The following CSMD3 variants were observed in gnomAD, a reference collection of about 807,000 sequenced individuals.
The protein encoded by CSMD3 is CUB and Sushi multiple domains 3, also known as CUB and sushi domain-containing protein 3.
Under a neutral mutation model 435.2 loss-of-function variants are expected in CSMD3, and 177 were observed. The observed-to-expected ratio is 0.41, with a 90% CI of 0.36 to 0.46. The LOEUF is 0.46. CSMD3 is among the 20% of genes least tolerant of loss of function. The pLI is 0.34. For missense variants in CSMD3, 4,265 were observed against 4,504.6 expected, an observed-to-expected ratio of 0.95 and a Z score of 1.52; for synonymous variants, 1,656 against 1,520.5, an observed-to-expected ratio of 1.09 and a Z score of -2.07.
intron 27 of CSMD3, among the ~76,000 whole-genome samples, chr8:112,521,234 A>T (rs1437681317): frequency 6.6e-6 from 1 of 151,938 alleles, no homozygotes; most frequent in African/African-American, 2.4e-5. Flanking sequence ...TGCTTTCTTT[A>T]ATAGAAAATC....
chr8:112,704,864 G>A (rs2076465409), intron 13 of CSMD3, among the ~76,000 whole-genome samples: 1 of 151,974 alleles, frequency 6.6e-6, no homozygotes, highest in African/African-American at 2.4e-5. Flanking sequence ...TCAAAATCAA[G>A]AGCTAATGCT....
chr8:113,388,194 G>A (rs1159155781), intron 1 of CSMD3, among the ~76,000 whole-genome samples: 2 of 151,580 alleles, frequency 1.3e-5, no homozygotes, highest in Non-Finnish European at 3.0e-5. Context: ...CCCATAATCA[G>A]ATTTGTATTT....
chr8:112,514,484 TTGA>T (rs1823470612), intron 28 of CSMD3, among the ~76,000 whole-genome samples: 2 of 152,196 alleles, frequency 1.3e-5, no homozygotes, highest in African/African-American at 4.8e-5. Flanking sequence ...GCATCAACTA[TTGA>T]TAACTATTTT....
intron 9 of CSMD3, among the ~76,000 whole-genome samples, chr8:112,939,665 G>A (rs1439962526): frequency 6.6e-6 from 1 of 151,922 alleles, no homozygotes; most frequent in Non-Finnish European, 1.5e-5. Flanking sequence ...TCAACTCTCA[G>A]AAGAATAAAA....
chr8:113,042,594 C>T (rs532997227), intron 5 of CSMD3, among the ~76,000 whole-genome samples: 2 of 152,188 alleles, frequency 1.3e-5, no homozygotes, highest in East Asian at 1.9e-4. Flanking sequence ...GTATTATTTA[C>T]ATAATTCTTC....
In CSMD3 at chr8:112,794,285, C is replaced by CTTTTTTTTTTTTTTTT. The variant is rs1203991072; in HGVS notation, c.1972+5861_1972+5876dup. Among the ~76,000 whole-genome samples, 4 of 96,302 alleles carry CTTTTTTTTTTTTTTTT rather than the reference C, an allele frequency of 4.2e-5. 1 individual carries two copies. Among genetic ancestry groups the CTTTTTTTTTTTTTTTT allele is most frequent in the African/African-American group, 7.8e-5 (2 of 25,776 alleles). The allele number at this position is 96,302 out of a possible 152,430, so 63.2% of individuals were successfully genotyped here. A position where few individuals can be genotyped will look rare whatever the true frequency, so the allele number is the denominator to read the frequency against. On this transcript the variant is annotated intron_variant, in intron 13 of 70. Coordinates refer to ENST00000297405, the MANE Select transcript of CSMD3 (RefSeq NM_198123.2). ...TTGCCCCAGATGCTGGACTGATAAA[C>CTTTTTTTTTTTTTTTT]TTTTTTTTTTTTTTTTTTTTTTTTT...
At chr8:112,238,269 C>CG (rs141897583) in intron 66 of CSMD3, among the ~76,000 whole-genome samples, 5,238 of 151,554 alleles carry the variant, frequency 0.035, 119 homozygotes, top group Non-Finnish European at 0.047. Flanking sequence ...GGAAAAAGTC[C>CG]TTTTTTTTAA....
intron 62 of CSMD3, among the ~76,000 whole-genome samples, chr8:112,254,554 C>A (rs1289026498): frequency 6.6e-6 from 1 of 151,978 alleles, no homozygotes; most frequent in Non-Finnish European, 1.5e-5. Context: ...GAACTTTGAA[C>A]CCTTCCGATA....
intron 35 of CSMD3, among the ~76,000 whole-genome samples, chr8:112,403,985 T>A (rs1831551745): frequency 6.6e-6 from 1 of 152,098 alleles, no homozygotes; most frequent in Admixed American, 6.6e-5. Flanking sequence ...TCAGATTCCA[T>A]CTATTGTCAC....
chr8:113,249,582 C>T (rs2093315038), intron 3 of CSMD3, among the ~76,000 whole-genome samples: 1 of 151,940 alleles, frequency 6.6e-6, no homozygotes, highest in African/African-American at 2.4e-5. Context: ...TATACTAGTA[C>T]TTACCCATGA....
intron 8 of CSMD3, among the ~76,000 whole-genome samples, chr8:112,950,452 T>G (rs2083767786): frequency 6.6e-6 from 1 of 151,960 alleles, no homozygotes; most frequent in African/African-American, 2.4e-5. Context: ...GTGAATACAT[T>G]ATTAGAAAAT....
chr8:112,272,460 T>TTA (rs1296044785), intron 59 of CSMD3, among the ~76,000 whole-genome samples: 1 of 152,162 alleles, frequency 6.6e-6, no homozygotes, highest in Non-Finnish European at 1.5e-5. Context: ...ACAGAGGCAA[T>TTA]TATAACACAT....
At chr8:112,686,568 CCTCCA>C (rs1563852283) in intron 14 of CSMD3, among the ~76,000 whole-genome samples, 1 of 151,110 alleles carries the variant, frequency 6.6e-6, no homozygotes, top group East Asian at 2.0e-4. Context: ...CTCACTGCAA[CCTCCA>C]CCTTCCGGGT....
At chr8:112,721,339 C>T (rs2076852972) in intron 13 of CSMD3, among the ~76,000 whole-genome samples, 1 of 152,016 alleles carries the variant, frequency 6.6e-6, no homozygotes, top group Admixed American at 6.6e-5. Context: ...CTTTGGGAGG[C>T]CGAGGCAGGT....
chr8:112,891,715 G>T (rs1157500472), intron 10 of CSMD3, among the ~76,000 whole-genome samples: 1 of 151,544 alleles, frequency 6.6e-6, no homozygotes, highest in Non-Finnish European at 1.5e-5. Context: ...TGATGTACAT[G>T]TAACAACTGT....
intron 38 of CSMD3, among the ~76,000 whole-genome samples, chr8:112,356,283 C>T (rs1826589659): frequency 6.6e-6 from 1 of 152,056 alleles, no homozygotes; most frequent in Non-Finnish European, 1.5e-5. Context: ...AACCTAGGTG[C>T]CCATCATTAA....
intron 6 of CSMD3, among the ~76,000 whole-genome samples, chr8:113,002,739 C>A (rs2085910846): frequency 6.6e-6 from 1 of 151,976 alleles, no homozygotes; most frequent in Admixed American, 6.6e-5. Context: ...TGTTTTTTGA[C>A]ATTTGTTATA....
intron 6 of CSMD3, among the ~76,000 whole-genome samples, chr8:113,016,360 A>G (rs1487577432): frequency 3.9e-5 from 6 of 151,930 alleles, no homozygotes; most frequent in Non-Finnish European, 8.8e-5. Context: ...GGAAGCTAGC[A>G]TATAACATAA....
At chr8:112,772,743 G>A (rs1251556589) in intron 13 of CSMD3, among the ~76,000 whole-genome samples, 2 of 152,052 alleles carry the variant, frequency 1.3e-5, no homozygotes, top group East Asian at 3.9e-4. Flanking sequence ...ACTGAGATAG[G>A]GGAAAACCGC....
Sources: gnomAD v4.1 joint callset for allele counts (sites outside exome capture counted in the v4.1 genomes callset) on GRCh38, gnomAD v4.1.1 for gene constraint, MANE v1.5 for transcripts, NCBI Gene and HGNC (gene_info 2026-07-23, HGNC 2026-07-21) for gene names.